TEX52: variants seen among roughly 807,000 people sequenced by gnomAD.
The protein encoded by TEX52 is testis expressed 52.
TEX52 carries 22 observed loss-of-function variants against 17.6 expected under a neutral mutation model. The ratio of observed to expected loss-of-function variants is 1.25; its 90% confidence interval spans 0.89 to 1.78. The LOEUF is 1.78. Ranked by LOEUF, TEX52 falls within the 40% of genes most tolerant of loss-of-function variation. The probability of loss-of-function intolerance (pLI) is 0.00; values close to 1 mark genes in which losing one functional copy is unlikely to be tolerated. For missense variants in TEX52, 396 were observed against 372.3 expected (o/e 1.06, Z -0.52); for synonymous variants, 168 against 147.4 (o/e 1.14, Z -1.01).
intron 2 of TEX52, among the ~76,000 whole-genome samples, chr12:2,852,194 C>T (rs2098073212): frequency 6.6e-6 from 1 of 152,144 alleles, no homozygotes; most frequent in Non-Finnish European, 1.5e-5. Flanking sequence ...AGACACATTC[C>T]TTCATTCCTG....
At chr12:2,851,171 A>G (rs2098069710) in intron 2 of TEX52, among the ~76,000 whole-genome samples, 2 of 151,702 alleles carry the variant, frequency 1.3e-5, no homozygotes, top group Admixed American at 6.6e-5. Flanking sequence ...CTGAAAAAAA[A>G]AAATTAAAGA....
Position 2,855,049 on chromosome 12 carries a change from T to C in TEX52, c.470A>G (p.Tyr157Cys). ...CCTTTTCATGTCCACAAACGTGGGATAACAGTGGATGAAGGTCAGGAAGCT... is the reference window on the plus strand; with the variant it reads ...CCTTTTCATGTCCACAAACGTGGGACAACAGTGGATGAAGGTCAGGAAGCT... ...QNSFLTFIHC[Y>C]PTFVDMKRKK... Residue 157 changes from tyrosine (Y) to cysteine (C), a missense_variant, in exon 2 of 3, where the codon TAT becomes TGT. Physicochemically the swap from Tyr to Cys is radical, Grantham distance 194. Coordinates refer to ENST00000637658, the MANE Select transcript of TEX52 (RefSeq NM_001365174.2). 1 of 1,536,084 alleles carries C rather than the reference T, an allele frequency of 6.5e-7. No homozygotes were observed. The highest frequency in any genetic ancestry group is 8.7e-7 in the Non-Finnish European group (1 of 1,146,892).
chr12:2,855,850 G>A (rs1241299071), intron 1 of TEX52, among the ~76,000 whole-genome samples: 1 of 152,114 alleles, frequency 6.6e-6, no homozygotes, highest in Non-Finnish European at 1.5e-5. Flanking sequence ...GCCAAGGGGG[G>A]CAGCCCACCT....
chr12:2,855,793 G>A (rs1464933794), intron 1 of TEX52, among the ~76,000 whole-genome samples: 2 of 152,108 alleles, frequency 1.3e-5, no homozygotes, highest in African/African-American at 4.8e-5. Context: ...CTCCTTAGAG[G>A]GCACATCAGG....
chr12:2,851,370 C>T (rs1439036758), intron 2 of TEX52, among the ~76,000 whole-genome samples: 1 of 152,142 alleles, frequency 6.6e-6, no homozygotes, highest in Non-Finnish European at 1.5e-5. Flanking sequence ...GAGATGGAGT[C>T]TGACTCTGTC....
chr12:2,848,566 G>C (rs2098059583), downstream of TEX52, among the ~76,000 whole-genome samples: 1 of 152,064 alleles, frequency 6.6e-6, no homozygotes, highest in Non-Finnish European at 1.5e-5. Flanking sequence ...TTCTACTCTT[G>C]TTCCTCTGCT....
At chr12:2,855,490 G>T in intron 1 of TEX52, 44 bp from the exon 2 acceptor site, 1 of 1,369,948 alleles carries the variant, frequency 7.3e-7, no homozygotes, top group South Asian at 1.8e-5. Flanking sequence ...TGTGCAGACA[G>T]GGGTGCAGAA....
chr12:2,853,176 A>G (rs2098076461), intron 2 of TEX52, among the ~76,000 whole-genome samples: 2 of 152,156 alleles, frequency 1.3e-5, no homozygotes, highest in Non-Finnish European at 2.9e-5. Flanking sequence ...GTCAGCACCT[A>G]TCAGCAACTG....
intron 2 of TEX52, among the ~76,000 whole-genome samples, chr12:2,854,268 G>A (rs983179610): frequency 2.0e-5 from 3 of 151,976 alleles, no homozygotes; most frequent in African/African-American, 2.4e-5. Flanking sequence ...CAGGTGATCC[G>A]GCCGCCTCGG....
At chr12:2,848,707 C>T (rs993278451), downstream of TEX52, among the ~76,000 whole-genome samples, 1 of 152,204 alleles carries the variant, frequency 6.6e-6, no homozygotes, top group Admixed American at 6.5e-5. Context: ...TTTGTCCAGA[C>T]ATCAAATGGT....
intron 2 of TEX52, among the ~76,000 whole-genome samples, chr12:2,853,607 G>GTTTTT (rs569055360): frequency 6.9e-6 from 1 of 145,416 alleles, no homozygotes. Context: ...TTTTGTTTTT[G>GTTTTT]TTTTTGTTTT....
chr12:2,851,569 C>T (rs2098071112), intron 2 of TEX52, among the ~76,000 whole-genome samples: 1 of 152,182 alleles, frequency 6.6e-6, no homozygotes, highest in South Asian at 2.1e-4. Flanking sequence ...CCTTGAACTC[C>T]TGACCTCAGG....
Position 2,849,249 on chromosome 12 carries a change from TCTC to T in TEX52, c.897_899del (p.Arg301del). 6.5e-7 allele frequency: 1 copy of T among 1,536,012 alleles called. No individual in the cohort carries two copies. The highest frequency in any genetic ancestry group is 8.7e-7 in the Non-Finnish European group (1 of 1,146,888). On this transcript the variant is annotated inframe_deletion, in exon 3 of 3. Coordinates refer to ENST00000637658, the MANE Select transcript of TEX52 (RefSeq NM_001365174.2). Reference sequence around the variant, plus strand: ...AGCCCTTCTAGAAGTGTCCAGGTCTTCTCTTCCTCTTCCTTGCTGGGGATTTGC... The same window carrying T: ...AGCCCTTCTAGAAGTGTCCAGGTCTTTTCCTCTTCCTTGCTGGGGATTTGC...
rs1459355521 is a variant in TEX52, at chr12:2,849,381, C to T, written c.768G>A (p.Leu256=). 3 of 1,536,176 alleles carry T rather than the reference C, an allele frequency of 2.0e-6. No homozygotes were observed. The highest frequency in any genetic ancestry group is 2.6e-6 in the Non-Finnish European group (3 of 1,146,922). Residue 256 remains leucine (L), a synonymous_variant, in exon 3 of 3, where the codon TTG becomes TTA. Transcript: ENST00000637658. ...HYQEKVLKLA[L]LPSAPLSQDL... is the part of the protein sequence containing the mutation. ...CCTGGCTCAGGGGCGCGCTGGGCAG[C>T]AAGGCCAGCTTTAGCACCTTCTCCT... is the stretch of plus-strand genomic sequence containing the variant.
At chr12:2,847,835 C>G (rs1037192948), downstream of TEX52, among the ~76,000 whole-genome samples, 1 of 152,166 alleles carries the variant, frequency 6.6e-6, no homozygotes, top group Non-Finnish European at 1.5e-5. Context: ...TGGCTTCTTT[C>G]ACTCAGCATG....
chr12:2,849,363 CAG>C lies in TEX52; in HGVS notation c.784_785del (p.Leu262GlufsTer?), dbSNP rs1385733773. On this transcript the variant is annotated frameshift_variant, in exon 3 of 3. Transcript: ENST00000637658. LOFTEE classifies it low-confidence loss of function (END_TRUNC). The part of the protein sequence containing the change: ...LKLALLPSAP[L>X]SQDLIRDFQT... ...GGAAATCCCTTATGAGGTCCTGGCTCAGGGGCGCGCTGGGCAGCAAGGCCAGC... is the reference window on the plus strand; with the variant it reads ...GGAAATCCCTTATGAGGTCCTGGCTCGGGCGCGCTGGGCAGCAAGGCCAGC... 2 of 1,536,064 alleles carry C rather than the reference CAG, an allele frequency of 1.3e-6. No homozygotes were observed. Among genetic ancestry groups the C allele is most frequent in the East Asian group, 2.4e-5 (1 of 40,930 alleles).
In TEX52 at chr12:2,855,199, G is replaced by T. The variant is rs937279333; in HGVS notation, c.320C>A (p.Thr107Asn). 2 of 1,506,996 alleles carry T rather than the reference G, an allele frequency of 1.3e-6. No homozygotes were observed. Among genetic ancestry groups the T allele is most frequent in the Non-Finnish European group, 1.8e-6 (2 of 1,128,630 alleles). The allele number at this position is 1,506,996 out of a possible 1,614,324, so 93.4% of individuals were successfully genotyped here. A position where few individuals can be genotyped will look rare whatever the true frequency, so the allele number is the denominator to read the frequency against. Residue 107 changes from threonine to asparagine, a missense_variant, in exon 2 of 3, where the codon ACC becomes AAC. By Grantham distance (65) the Thr-to-Asn change is moderately conservative. Transcript: ENST00000637658. The part of the protein sequence containing the change: ...TWLDVCRLPA[T>N]FPTQPDRPYD... ...GGGCCTGTCAGGCTGGGTGGGGAAG[G>T]TGGCAGGCAGACGGCACACATCGAG...
At chr12:2,853,598 T>G (rs113749705) in intron 2 of TEX52, among the ~76,000 whole-genome samples, 37 of 148,096 alleles carry the variant, frequency 2.5e-4, no homozygotes, top group East Asian at 2.0e-3. Flanking sequence ...TGTTGTTGTT[T>G]TTGTTTTTGT....
intron 1 of TEX52, 112 bp from the exon 2 acceptor site, chr12:2,855,558 C>T: frequency 2.5e-6 from 2 of 814,254 alleles, no homozygotes; most frequent in Non-Finnish European, 3.5e-6. Flanking sequence ...GCCCAGGATT[C>T]TCATGAGGAC....
Sources: gnomAD v4.1 joint callset for allele counts (sites outside exome capture counted in the v4.1 genomes callset) on GRCh38, gnomAD v4.1.1 for gene constraint, MANE v1.5 for transcripts, NCBI Gene and HGNC (gene_info 2026-07-23, HGNC 2026-07-21) for gene names.